LIN28B: variants seen among roughly 807,000 people sequenced by gnomAD.
The protein encoded by LIN28B is protein lin-28 homolog B.
LIN28B carries 5 observed loss-of-function variants against 21.9 expected under a neutral mutation model. That is an observed-to-expected ratio of 0.23 (90% CI 0.12 to 0.48). LIN28B has a LOEUF of 0.48. Among genes scored for constraint, LIN28B ranks in the 20% least tolerant of loss-of-function variants. LIN28B has a pLI of 0.98. For missense variants in LIN28B, 245 were observed against 310.5 expected (o/e 0.79, Z 1.58); for synonymous variants, 109 against 111.3 (o/e 0.98, Z 0.13).
At chr6:104,960,685 C>T (rs1276587255) in intron 2 of LIN28B, among the ~76,000 whole-genome samples, 1 of 151,634 alleles carries the variant, frequency 6.6e-6, no homozygotes, top group African/African-American at 2.4e-5. Flanking sequence ...TATTTGTGTC[C>T]TTAATAAATA....
intron 2 of LIN28B, among the ~76,000 whole-genome samples, chr6:104,969,075 T>C (rs1322717442): frequency 6.6e-6 from 1 of 152,188 alleles, no homozygotes; most frequent in Non-Finnish European, 1.5e-5. Context: ...CACAGCTCAG[T>C]GTAAGCCATA....
chr6:105,016,190 A>T (rs1044866563), intron 2 of LIN28B, among the ~76,000 whole-genome samples: 2 of 152,156 alleles, frequency 1.3e-5, no homozygotes, highest in African/African-American at 4.8e-5. Flanking sequence ...CTTGTGATTC[A>T]TTGTGTCAGC....
chr6:105,071,593 G>C (rs150837042), intron 3 of LIN28B, among the ~76,000 whole-genome samples: 5 of 152,268 alleles, frequency 3.3e-5, no homozygotes, highest in East Asian at 3.9e-4. Flanking sequence ...CCTAGAGTGA[G>C]AGTTACTAGG....
chr6:105,011,512 T>C (rs1338103612), intron 2 of LIN28B, among the ~76,000 whole-genome samples: 1 of 152,212 alleles, frequency 6.6e-6, no homozygotes, highest in Non-Finnish European at 1.5e-5. Context: ...CTCTTGTTAA[T>C]GCAACCCTCT....
intron 2 of LIN28B, among the ~76,000 whole-genome samples, chr6:105,023,069 G>A (rs530993225): frequency 4.7e-5 from 7 of 148,176 alleles, no homozygotes; most frequent in African/African-American, 1.7e-4. Flanking sequence ...GATTTTTGGG[G>A]GAACAAATAC....
At chr6:104,993,903 A>G (rs1262846741) in intron 2 of LIN28B, among the ~76,000 whole-genome samples, 6 of 152,116 alleles carry the variant, frequency 3.9e-5, no homozygotes, top group African/African-American at 1.4e-4. Flanking sequence ...TTCCAAAAGC[A>G]ATAAACCAAT....
At chr6:104,982,083 G>T (rs1363437298) in intron 2 of LIN28B, among the ~76,000 whole-genome samples, 1 of 152,122 alleles carries the variant, frequency 6.6e-6, no homozygotes, top group Non-Finnish European at 1.5e-5. Context: ...GGGAGGCTGA[G>T]GTGGGCGGAT....
intron 2 of LIN28B, among the ~76,000 whole-genome samples, chr6:104,999,509 T>G (rs879820019): frequency 1.3e-5 from 2 of 152,206 alleles, no homozygotes; most frequent in Non-Finnish European, 2.9e-5. Flanking sequence ...CAAAAGCATG[T>G]AAATTAGAAT....
chr6:104,963,156 C>T (rs1190147378), intron 2 of LIN28B, among the ~76,000 whole-genome samples: 1 of 152,182 alleles, frequency 6.6e-6, no homozygotes, highest in East Asian at 1.9e-4. Flanking sequence ...ACGCCATTCT[C>T]CTGCTTCAGC....
intron 2 of LIN28B, among the ~76,000 whole-genome samples, chr6:104,977,102 A>G (rs578101137): frequency 5.3e-5 from 8 of 151,790 alleles, no homozygotes; most frequent in African/African-American, 1.9e-4. Context: ...ATAGCTCACT[A>G]TGTATAATCT....
At chr6:105,038,042 G>A (rs1182107231) in intron 3 of LIN28B, among the ~76,000 whole-genome samples, 2 of 152,046 alleles carry the variant, frequency 1.3e-5, no homozygotes, top group Non-Finnish European at 2.9e-5. Context: ...GTGATCTTAG[G>A]TTTGGGAAAG....
At chr6:105,047,474 T>C (rs974510311) in intron 3 of LIN28B, among the ~76,000 whole-genome samples, 2 of 152,222 alleles carry the variant, frequency 1.3e-5, no homozygotes, top group African/African-American at 4.8e-5. Flanking sequence ...TTTGTTCTTT[T>C]GGCTTAGGGT....
chr6:104,945,081 C>T (rs1412253905), intron 2 of LIN28B, among the ~76,000 whole-genome samples: 2 of 152,048 alleles, frequency 1.3e-5, no homozygotes, highest in East Asian at 1.9e-4. Flanking sequence ...ATCATTTGTT[C>T]AGACTTTACA....
At chr6:105,007,694 T>G (rs1770845008) in intron 2 of LIN28B, among the ~76,000 whole-genome samples, 1 of 152,036 alleles carries the variant, frequency 6.6e-6, no homozygotes, top group African/African-American at 2.4e-5. Flanking sequence ...CTGGCAAATT[T>G]TTGTTTGTTT....
intron 2 of LIN28B, among the ~76,000 whole-genome samples, chr6:104,996,493 G>A (rs1432883982): frequency 1.3e-5 from 2 of 152,172 alleles, no homozygotes; most frequent in Non-Finnish European, 2.9e-5. Context: ...GTCTTTCTCA[G>A]TATATAACAG....
intron 2 of LIN28B, among the ~76,000 whole-genome samples, chr6:105,002,189 T>C (rs1770733569): frequency 6.7e-6 from 1 of 149,282 alleles, no homozygotes; most frequent in African/African-American, 2.5e-5. Flanking sequence ...TTTTTTTTTT[T>C]ACAGGAGAAG....
intron 3 of LIN28B, among the ~76,000 whole-genome samples, chr6:105,043,381 A>G (rs1202238479): frequency 2.1e-4 from 32 of 148,946 alleles, no homozygotes; most frequent in Non-Finnish European, 4.0e-4. Flanking sequence ...AAGAAAACTA[A>G]AACTATACAA....
chr6:105,016,872 C>G (rs1771038710), intron 2 of LIN28B, among the ~76,000 whole-genome samples: 1 of 151,598 alleles, frequency 6.6e-6, no homozygotes, highest in Non-Finnish European at 1.5e-5. Flanking sequence ...GCCTGAGCAA[C>G]TTGGCAAGAC....
At chr6:104,942,873 C>T (rs1239002148) in intron 2 of LIN28B, among the ~76,000 whole-genome samples, 1 of 150,872 alleles carries the variant, frequency 6.6e-6, no homozygotes, top group Non-Finnish European at 1.5e-5. Flanking sequence ...GGTTGTAATG[C>T]ATATTGGTTT....
Sources: gnomAD v4.1 joint callset for allele counts (sites outside exome capture counted in the v4.1 genomes callset) on GRCh38, gnomAD v4.1.1 for gene constraint, MANE v1.5 for transcripts, NCBI Gene and HGNC (gene_info 2026-07-23, HGNC 2026-07-21) for gene names.